Variants in DLG1 observed in about 807,000 individuals in gnomAD.
DLG1 encodes disks large homolog 1.
DLG1 carries 42 observed loss-of-function variants against 123.4 expected under a neutral mutation model. The ratio of observed to expected loss-of-function variants is 0.34; its 90% CI spans 0.27 to 0.44. DLG1 has a LOEUF of 0.44. Ranked by LOEUF, DLG1 falls within the 20% of genes least tolerant of loss-of-function variation. The pLI is 1.00. For missense variants in DLG1, 942 were observed against 1,082.6 expected, an observed-to-expected ratio of 0.87 and a Z score of 1.82; for synonymous variants, 317 against 356.2, an observed-to-expected ratio of 0.89 and a Z score of 1.24.
At chr3:197,267,562 C>T (rs202081983) in intron 4 of DLG1, among the ~76,000 whole-genome samples, 5 of 50,570 alleles carry the variant, frequency 9.9e-5, no homozygotes, top group Admixed American at 7.4e-4. Context: ...CGTAGTTTGC[C>T]TTTTTTTCTT....
At chr3:197,192,854 A>T (rs145139111) in intron 5 of DLG1, among the ~76,000 whole-genome samples, 32 of 152,276 alleles carry the variant, frequency 2.1e-4, no homozygotes, top group African/African-American at 7.5e-4. Context: ...ATGGTGACGG[A>T]AAACAAAGAG....
intron 12 of DLG1, among the ~76,000 whole-genome samples, chr3:197,116,336 C>A (rs894138617): frequency 3.3e-5 from 5 of 150,902 alleles, no homozygotes; most frequent in Admixed American, 3.3e-4. Context: ...AGAAAAAAAA[C>A]GTGGAAATTT....
intron 5 of DLG1, among the ~76,000 whole-genome samples, chr3:197,157,224 A>T (rs1274161013): frequency 6.6e-6 from 1 of 152,224 alleles, no homozygotes; most frequent in African/African-American, 2.4e-5. Context: ...CAAATTAGAA[A>T]GGAAGAAGCA....
chr3:197,127,292 G>A (rs1185255468), intron 11 of DLG1, among the ~76,000 whole-genome samples: 2 of 149,916 alleles, frequency 1.3e-5, no homozygotes, highest in Admixed American at 6.6e-5. Context: ...TCATGGTGTC[G>A]CAAGCCTGTA....
At chr3:197,233,825 G>A (rs1744557150) in intron 4 of DLG1, among the ~76,000 whole-genome samples, 1 of 152,176 alleles carries the variant, frequency 6.6e-6, no homozygotes, top group Non-Finnish European at 1.5e-5. Flanking sequence ...CAGCCTTAAA[G>A]GTTTTATGTA....
At chr3:197,280,578 T>C (rs992956008) in intron 4 of DLG1, among the ~76,000 whole-genome samples, 4 of 152,228 alleles carry the variant, frequency 2.6e-5, no homozygotes, top group Non-Finnish European at 2.9e-5. Flanking sequence ...TTTTCCATAA[T>C]GGCTGTAATA....
intron 5 of DLG1, chr3:197,183,471 G>A (rs996664173): frequency 4.1e-5 from 43 of 1,051,558 alleles, no homozygotes; most frequent in African/African-American, 1.6e-5. Context: ...CACATCCAAG[G>A]TTTCAAGGCT....
In DLG1 at chr3:197,211,239, C is replaced by T. The variant is rs898508029; in HGVS notation, c.319-16650G>A. 7.6e-5 allele frequency among the ~76,000 whole-genome samples: 11 copies of T among 145,682 alleles called. 3 individuals are homozygous for T. Among genetic ancestry groups the T allele is most frequent in the Non-Finnish European group, 1.4e-4 (9 of 64,914 alleles). On this transcript the variant is annotated intron_variant, in intron 4 of 24. Transcript: ENST00000667157. The stretch of plus-strand genomic sequence containing the variant: ...AAAGAAGAGCTGGTACCATTTCTAC[C>T]GAAACTATTCCAAAAAAATTAAAGA...
chr3:197,167,363 G>A (rs1801967010), intron 5 of DLG1, among the ~76,000 whole-genome samples: 1 of 152,136 alleles, frequency 6.6e-6, no homozygotes, highest in South Asian at 2.1e-4. Flanking sequence ...GTGGATGAAT[G>A]GGATATACTC....
intron 22 of DLG1, 87 bp from the exon 23 acceptor site, chr3:197,060,085 T>C (rs1734710559): frequency 1.1e-5 from 10 of 872,858 alleles, no homozygotes; most frequent in Non-Finnish European, 1.8e-5. Context: ...GTCCACAGTC[T>C]AAATCATGAT....
chr3:197,296,993 G>C (rs1163341733), intron 2 of DLG1, 193 bp downstream of exon 2: 1 of 621,242 alleles, frequency 1.6e-6, no homozygotes, highest in Non-Finnish European at 2.8e-6. Context: ...CTAGAGAAAT[G>C]TTAAGAAAGT....
intron 5 of DLG1, among the ~76,000 whole-genome samples, chr3:197,172,681 C>T (rs1474011743): frequency 2.6e-5 from 4 of 152,118 alleles, no homozygotes; most frequent in Admixed American, 2.0e-4. Context: ...GTAGACATTG[C>T]TAAAAGGTTA....
intron 18 of DLG1, among the ~76,000 whole-genome samples, chr3:197,072,560 T>C (rs899405131): frequency 1.3e-5 from 2 of 152,104 alleles, no homozygotes; most frequent in African/African-American, 4.8e-5. Context: ...CTTGCCCAGT[T>C]TTCTAATGGA....
At chr3:197,264,510 G>A (rs1321709310) in intron 4 of DLG1, among the ~76,000 whole-genome samples, 1 of 152,064 alleles carries the variant, frequency 6.6e-6, no homozygotes, top group Non-Finnish European at 1.5e-5. Flanking sequence ...TGCAACCTTT[G>A]CCTCCCAGGT....
In DLG1 at chr3:197,298,212, C is replaced by T. The variant is rs1027611138; in HGVS notation, c.-32+324G>A. The T allele has an allele frequency of 5.9e-5, 18 of 303,718 alleles. No individual in the cohort carries two copies. The East Asian group carries it at 9.4e-4, about 16-fold the overall frequency. 18.8% of individuals were successfully genotyped at this position (303,718 alleles called of 1,614,324 possible). ...AAGTGAGGAGGCGGCTCGCGCCGAG[C>T]CCCGGGCTCCCCGCGCTGCTACCTT... On this transcript the variant is annotated intron_variant, in intron 1 of 24. Transcript: ENST00000667157.
chr3:197,167,454 A>C (rs558094496), intron 5 of DLG1, among the ~76,000 whole-genome samples: 11 of 152,340 alleles, frequency 7.2e-5, no homozygotes, highest in Admixed American at 2.0e-4. Flanking sequence ...ATCAAAGTTA[A>C]CACCACCAGT....
At chr3:197,274,898 A>G (rs1029064823) in intron 4 of DLG1, among the ~76,000 whole-genome samples, 2 of 152,196 alleles carry the variant, frequency 1.3e-5, no homozygotes, top group African/African-American at 4.8e-5. Flanking sequence ...AATCAAAACC[A>G]TAATAAGCTG....
intron 4 of DLG1, among the ~76,000 whole-genome samples, chr3:197,238,327 T>C (rs1038437051): frequency 2.6e-5 from 4 of 152,284 alleles, no homozygotes; most frequent in African/African-American, 9.6e-5. Flanking sequence ...ACACCACAGA[T>C]GTTAGACTTA....
At chr3:197,243,054 T>C (rs1027308341) in intron 4 of DLG1, among the ~76,000 whole-genome samples, 2 of 152,174 alleles carry the variant, frequency 1.3e-5, no homozygotes, top group South Asian at 2.1e-4. Flanking sequence ...GGGTGCTGCC[T>C]GCGTTAGTTA....
Sources: allele counts gnomAD v4.1 joint callset (sites outside exome capture counted in the v4.1 genomes callset), GRCh38; gene constraint gnomAD v4.1.1; transcripts MANE v1.5; gene names NCBI Gene and HGNC (gene_info 2026-07-23, HGNC 2026-07-21).